The following THSD7A variants were observed in gnomAD, a reference collection of about 807,000 sequenced individuals.
THSD7A encodes thrombospondin type 1 domain containing 7A, also known as thrombospondin type-1 domain-containing protein 7A.
A neutral mutation model predicts 231.3 loss-of-function variants in THSD7A; 96 were observed. The observed-to-expected ratio is 0.41, with a 90% CI of 0.35 to 0.49. The LOEUF (loss-of-function observed/expected upper bound fraction) is 0.49. THSD7A is among the 20% of genes least tolerant of loss of function. THSD7A has a pLI of 0.05. For missense variants in THSD7A, 2,290 were observed against 2,070.2 expected (o/e 1.11, Z -2.06); for synonymous variants, 940 against 743.3 (o/e 1.26, Z -4.30).
At chr7:11,767,331 C>T (rs1485628902) in intron 1 of THSD7A, among the ~76,000 whole-genome samples, 8 of 152,130 alleles carry the variant, frequency 5.3e-5, no homozygotes, top group African/African-American at 1.9e-4. Context: ...CGTCTCTAAC[C>T]ACTGTGTGTG....
intron 1 of THSD7A, among the ~76,000 whole-genome samples, chr7:11,685,611 T>C (rs1256584769): frequency 6.6e-6 from 1 of 151,720 alleles, no homozygotes; most frequent in Non-Finnish European, 1.5e-5. Flanking sequence ...CCAACAAACA[T>C]ATGAAAAAGA....
At chr7:11,497,212 T>G (rs62438215) in intron 6 of THSD7A, among the ~76,000 whole-genome samples, 13,470 of 152,126 alleles carry the variant, frequency 0.089, 678 homozygotes, top group Non-Finnish European at 0.11. Context: ...CTCACTATAA[T>G]GAGAATAGGA....
At chr7:11,800,633 G>A (rs778229251) in intron 1 of THSD7A, among the ~76,000 whole-genome samples, 7 of 152,198 alleles carry the variant, frequency 4.6e-5, no homozygotes, top group Middle Eastern at 3.2e-3. Context: ...CAGCCTCAGA[G>A]GGCATTTACT....
At chr7:11,677,060 T>C (rs1783668303) in intron 1 of THSD7A, among the ~76,000 whole-genome samples, 2 of 152,118 alleles carry the variant, frequency 1.3e-5, no homozygotes, top group Non-Finnish European at 2.9e-5. Context: ...CAGACTAACA[T>C]TGGATCTCTC....
intron 4 of THSD7A, among the ~76,000 whole-genome samples, chr7:11,567,265 C>T (rs12699234): frequency 0.24 from 36,524 of 151,494 alleles, 4,640 homozygotes; most frequent in African/African-American, 0.32. Context: ...CAAGACACTT[C>T]CCCCTCAAGG....
chr7:11,440,098 C>A (rs73284705), intron 13 of THSD7A, among the ~76,000 whole-genome samples: 25,258 of 151,798 alleles, frequency 0.17, 2,838 homozygotes, highest in African/African-American at 0.32. Context: ...AATACTAGAG[C>A]CCTTAAGAAT....
intron 6 of THSD7A, among the ~76,000 whole-genome samples, chr7:11,537,998 C>T (rs53): frequency 0.19 from 29,097 of 152,134 alleles, 3,608 homozygotes; most frequent in Admixed American, 0.39. Context: ...TGGCCCTAGC[C>T]GGTGACCTTC....
At chr7:11,582,348 CATA>C (rs1408257660) in intron 4 of THSD7A, among the ~76,000 whole-genome samples, 5 of 151,934 alleles carry the variant, frequency 3.3e-5, no homozygotes, top group Middle Eastern at 3.4e-3. Context: ...GTTTAACATG[CATA>C]ATGTTAGTAA....
At chr7:11,563,354 A>G (rs1790157356) in intron 4 of THSD7A, among the ~76,000 whole-genome samples, 1 of 151,922 alleles carries the variant, frequency 6.6e-6, no homozygotes, top group African/African-American at 2.4e-5. Context: ...ACTCATTATT[A>G]AGTTTATTTT....
intron 11 of THSD7A, among the ~76,000 whole-genome samples, chr7:11,452,680 T>C (rs1174160506): frequency 1.3e-5 from 2 of 151,810 alleles, no homozygotes; most frequent in African/African-American, 4.8e-5. Flanking sequence ...CCAAGAACAA[T>C]CACAGACCCA....
At chr7:11,782,898 T>A (rs1306774702) in intron 1 of THSD7A, among the ~76,000 whole-genome samples, 2 of 152,218 alleles carry the variant, frequency 1.3e-5, no homozygotes, top group African/African-American at 4.8e-5. Flanking sequence ...GTTGACTGTC[T>A]GTTTTACTTG....
chr7:11,745,797 G>C (rs1484051202), intron 1 of THSD7A, among the ~76,000 whole-genome samples: 1 of 152,066 alleles, frequency 6.6e-6, no homozygotes, highest in East Asian at 1.9e-4. Flanking sequence ...CTGTTCCATT[G>C]GTCTATATCT....
intron 13 of THSD7A, among the ~76,000 whole-genome samples, chr7:11,434,398 G>A (rs901819339): frequency 6.6e-6 from 1 of 152,052 alleles, no homozygotes. Flanking sequence ...GGCTTAAAGT[G>A]GCAACTGGAG....
At chr7:11,798,899 G>T (rs555553839) in intron 1 of THSD7A, among the ~76,000 whole-genome samples, 90 of 150,994 alleles carry the variant, frequency 6.0e-4, no homozygotes, top group African/African-American at 1.9e-3. Flanking sequence ...TATGTATTTT[G>T]GTTTAAAGTT....
chr7:11,430,608 G>A (rs1784450821), intron 13 of THSD7A, among the ~76,000 whole-genome samples: 1 of 151,736 alleles, frequency 6.6e-6, no homozygotes, highest in Admixed American at 6.6e-5. Context: ...TGGGACTAAG[G>A]GTGCCCACCA....
Position 11,812,329 on chromosome 7 carries a change from A to C in THSD7A, c.190+19428T>G, listed in dbSNP as rs190499051. On this transcript the variant is annotated intron_variant, in intron 1 of 27. Coordinates refer to ENST00000423059, the MANE Select transcript of THSD7A (RefSeq NM_015204.3). ...AACCCTTTACAAAATGAATTTTAAA[A>C]TGTAAATATACTGAAACTGAATATT... 1.1e-3 allele frequency among the ~76,000 whole-genome samples: 174 copies of C among 152,324 alleles called. 1 individual carries two copies. The highest frequency in any genetic ancestry group is 4.0e-3 in the African/African-American group (165 of 41,586).
chr7:11,760,168 A>G (rs1782808659), intron 1 of THSD7A, among the ~76,000 whole-genome samples: 1 of 152,134 alleles, frequency 6.6e-6, no homozygotes, highest in African/African-American at 2.4e-5. Context: ...ATCCACTGAA[A>G]GAATTGTAAT....
intron 4 of THSD7A, among the ~76,000 whole-genome samples, chr7:11,562,326 T>C (rs1790109211): frequency 1.3e-5 from 2 of 152,188 alleles, no homozygotes; most frequent in South Asian, 2.1e-4. Flanking sequence ...CACAGTCTAC[T>C]TCAGACTAAT....
chr7:11,664,127 T>G (rs1285476531), intron 1 of THSD7A, among the ~76,000 whole-genome samples: 2 of 151,696 alleles, frequency 1.3e-5, no homozygotes, highest in East Asian at 3.9e-4. Flanking sequence ...TATTCCTCAG[T>G]CCCTGCCACC....
Sources: allele counts gnomAD v4.1 joint callset (sites outside exome capture counted in the v4.1 genomes callset), GRCh38; gene constraint gnomAD v4.1.1; transcripts MANE v1.5; gene names NCBI Gene and HGNC (gene_info 2026-07-23, HGNC 2026-07-21).